LRFN5: variants seen among roughly 807,000 people sequenced by gnomAD.
The protein encoded by LRFN5 is leucine rich repeat and fibronectin type III domain containing 5.
Under a neutral mutation model 45.6 loss-of-function variants are expected in LRFN5, and 24 were observed. The ratio of observed to expected loss-of-function variants is 0.53; its 90% confidence interval spans 0.38 to 0.74. The LOEUF (loss-of-function observed/expected upper bound fraction) is 0.74, where lower values mean the gene tolerates loss of function less well. Ranked by LOEUF, LRFN5 falls within the 30% of genes least tolerant of loss-of-function variation. The pLI, the probability that LRFN5 is intolerant of heterozygous loss-of-function variation, is 0.00. For synonymous variants in LRFN5, 340 were observed against 313.8 expected (o/e 1.08, Z -0.88); for missense variants, 776 against 861.5 (o/e 0.90, Z 1.24).
intron 4 of LRFN5, chr14:41,892,387 C>T (rs1249670791): frequency 5.1e-6 from 5 of 985,046 alleles, no homozygotes; most frequent in South Asian, 4.7e-5. Flanking sequence ...AAAAGCATGA[C>T]ATAGCAGCAG....
intron 2 of LRFN5, among the ~76,000 whole-genome samples, chr14:41,830,237 T>C (rs1888434237): frequency 6.6e-6 from 1 of 151,922 alleles, no homozygotes; most frequent in Admixed American, 6.6e-5. Context: ...CAACTTTTCA[T>C]GTTTTTTATT....
Position 41,875,992 on chromosome 14 carries a change from T to C in LRFN5, c.-20-10614T>C, listed in dbSNP as rs1890171776. On this transcript the variant is annotated intron_variant, in intron 2 of 5. Transcript: ENST00000298119. ...CTGTAAGCTCCTAAATCTTTCAGGA[T>C]ACATATATAACCTGAAAGATACATA... Among the ~76,000 whole-genome samples, 3 of 152,280 alleles carry C rather than the reference T, an allele frequency of 2.0e-5. No individual in the cohort carries two copies. The South Asian group carries it at 6.2e-4, about 32-fold the overall frequency.
At chr14:41,867,641 A>G (rs576993772) in intron 2 of LRFN5, among the ~76,000 whole-genome samples, 1 of 152,158 alleles carries the variant, frequency 6.6e-6, no homozygotes, top group Non-Finnish European at 1.5e-5. Context: ...CTCAGTTCAC[A>G]GCAGATCTCC....
At chr14:41,885,520 T>G (rs1890537316) in intron 2 of LRFN5, among the ~76,000 whole-genome samples, 1 of 152,086 alleles carries the variant, frequency 6.6e-6, no homozygotes, top group Admixed American at 6.6e-5. Context: ...TCGTTAAGAT[T>G]GTAAAAGAAG....
intron 1 of LRFN5, chr14:41,731,926 A>C (rs1884197109): frequency 6.6e-6 from 1 of 152,126 alleles, no homozygotes; most frequent in Non-Finnish European, 1.5e-5. Flanking sequence ...CATTTTTTAA[A>C]GTATATGTTT....
At chr14:41,892,966 G>C in intron 4 of LRFN5, 1 of 985,096 alleles carries the variant, frequency 1.0e-6, no homozygotes, top group Non-Finnish European at 1.2e-6. Context: ...TTTATCAAAG[G>C]GGTGTTTATT....
At chr14:41,815,272 G>A (rs561632187) in intron 2 of LRFN5, among the ~76,000 whole-genome samples, 1 of 152,176 alleles carries the variant, frequency 6.6e-6, no homozygotes, top group South Asian at 2.1e-4. Context: ...TGGAGAATTT[G>A]CCCTTTATTA....
chr14:41,849,815 C>A (rs1889202575), intron 2 of LRFN5, among the ~76,000 whole-genome samples: 1 of 151,960 alleles, frequency 6.6e-6, no homozygotes, highest in Admixed American at 6.6e-5. Flanking sequence ...TTCTAAATCA[C>A]TGTCATTATT....
intron 4 of LRFN5, among the ~76,000 whole-genome samples, chr14:41,896,192 T>C (rs1360926201): frequency 6.6e-6 from 1 of 152,204 alleles, no homozygotes; most frequent in South Asian, 2.1e-4. Context: ...TAAAAATCCA[T>C]AAATATAAAG....
chr14:41,695,213 A>C (rs1882554026), intron 1 of LRFN5, among the ~76,000 whole-genome samples: 1 of 151,936 alleles, frequency 6.6e-6, no homozygotes, highest in African/African-American at 2.4e-5. Flanking sequence ...AGACTGAGAG[A>C]GGTAAAGAGG....
intron 1 of LRFN5, among the ~76,000 whole-genome samples, chr14:41,729,586 A>G (rs1039537194): frequency 6.6e-6 from 1 of 152,122 alleles, no homozygotes; most frequent in Non-Finnish European, 1.5e-5. Flanking sequence ...TTCCTATTCT[A>G]TACAGGAAAG....
chr14:41,841,350 G>A (rs1044060119), intron 2 of LRFN5, among the ~76,000 whole-genome samples: 7 of 151,846 alleles, frequency 4.6e-5, no homozygotes, highest in Admixed American at 1.3e-4. Context: ...TAGCTAGTTC[G>A]AAATTTAGGG....
At chr14:41,648,604 A>G (rs1190139858) in intron 1 of LRFN5, among the ~76,000 whole-genome samples, 1 of 152,178 alleles carries the variant, frequency 6.6e-6, no homozygotes, top group Non-Finnish European at 1.5e-5. Flanking sequence ...TAAAACTGTA[A>G]GTATTTCTGA....
At chr14:41,779,013 A>G (rs527572432) in intron 2 of LRFN5, among the ~76,000 whole-genome samples, 1 of 151,860 alleles carries the variant, frequency 6.6e-6, no homozygotes, top group South Asian at 2.1e-4. Flanking sequence ...TTCTTATTAT[A>G]CTAGTTCAGA....
At chr14:41,812,530 T>TA (rs1887771056) in intron 2 of LRFN5, among the ~76,000 whole-genome samples, 1 of 151,856 alleles carries the variant, frequency 6.6e-6, no homozygotes, top group Non-Finnish European at 1.5e-5. Context: ...TATTCTCAAT[T>TA]ATATATACAA....
At position 41,758,604 on chromosome 14, in the gene LRFN5, T is replaced by C. The variant is rs143195452; in HGVS notation, c.-196-8250T>C. Among the ~76,000 whole-genome samples the C allele has an allele frequency of 4.6e-5, 7 of 152,336 alleles. No individual in the cohort carries two copies. The East Asian group carries it at 1.4e-3, about 29-fold the overall frequency. ...CTTTCTTAAGTCAATGTTAAAATGC[T>C]GAACAAGAAAAGACCAAGGACAGCA... On this transcript the variant is annotated intron_variant, in intron 1 of 5. Coordinates refer to ENST00000298119, the MANE Select transcript of LRFN5 (RefSeq NM_152447.5).
intron 2 of LRFN5, among the ~76,000 whole-genome samples, chr14:41,868,820 G>A (rs1031093485): frequency 1.3e-5 from 2 of 152,138 alleles, no homozygotes; most frequent in African/African-American, 4.8e-5. Flanking sequence ...GTAGTACAAT[G>A]AGTAATTATA....
At chr14:41,832,459 G>A (rs1254256657) in intron 2 of LRFN5, among the ~76,000 whole-genome samples, 2 of 152,130 alleles carry the variant, frequency 1.3e-5, no homozygotes, top group African/African-American at 4.8e-5. Context: ...AAACATTGTT[G>A]TGCCCCTAAG....
chr14:41,612,904 CT>C (rs1185109685), intron 1 of LRFN5, among the ~76,000 whole-genome samples: 1 of 152,004 alleles, frequency 6.6e-6, no homozygotes, highest in Non-Finnish European at 1.5e-5. Flanking sequence ...ACCAATGCTA[CT>C]TTTAAGCTTT....
Sources: gnomAD v4.1 joint callset for allele counts (sites outside exome capture counted in the v4.1 genomes callset) on GRCh38, gnomAD v4.1.1 for gene constraint, MANE v1.5 for transcripts, NCBI Gene and HGNC (gene_info 2026-07-23, HGNC 2026-07-21) for gene names.